CHD2: variants seen among roughly 807,000 people sequenced by gnomAD.
CHD2 encodes ATP-dependent chromatin remodeler CHD2.
CHD2 carries 28 observed loss-of-function variants against 243.9 expected under a neutral mutation model. That is an observed-to-expected ratio of 0.11 (90% CI 0.09 to 0.16). CHD2 has a LOEUF of 0.16. Among genes scored for constraint, CHD2 ranks in the 10% least tolerant of loss-of-function variants. CHD2 has a pLI of 1.00. For missense variants in CHD2, 1,386 were observed against 2,209.8 expected (o/e 0.63, Z 7.47); for synonymous variants, 775 against 779.0 (o/e 0.99, Z 0.09).
At chr15:92,977,913 ATTGT>A (rs778492873) in intron 20 of CHD2, among the ~76,000 whole-genome samples, 4 of 152,244 alleles carry the variant, frequency 2.6e-5, no homozygotes, top group Non-Finnish European at 4.4e-5. Flanking sequence ...CTCCATGATA[ATTGT>A]TTGTCTGTTT....
At position 92,961,876 on chromosome 15, in the gene CHD2, C is replaced by CTTTTTTTTTTTTTTTTTTTTTT. The variant is rs3064790; in HGVS notation, c.2000+5229_2000+5250dup. Among the ~76,000 whole-genome samples the CTTTTTTTTTTTTTTTTTTTTTT allele has an allele frequency of 4.2e-4, 33 of 78,622 alleles. 1 individual carries two copies. The highest frequency in any genetic ancestry group is 5.2e-4 in the South Asian group (1 of 1,906). The allele number at this position is 78,622 out of a possible 152,430, so 51.6% of individuals were successfully genotyped here. The stretch of plus-strand genomic sequence containing the variant: ...GGTTTCTTCCTCTGTTTTTTCTTCT[C>CTTTTTTTTTTTTTTTTTTTTTT]TTTTTTTTTTTTTTTTTTTTTTTGA... On this transcript the variant is annotated intron_variant, in intron 16 of 38. Transcript: ENST00000394196.
Position 92,927,344 on chromosome 15 carries a change from G to C in CHD2, c.381+14G>C. On this transcript the variant is annotated intron_variant, in intron 4 of 38. Transcript: ENST00000394196. ...ATTAAGGAAGAGGTAAGGAAAAAATGTTTTAAGGGCATGCATTTAAACTCC... is the reference window on the plus strand; with the variant it reads ...ATTAAGGAAGAGGTAAGGAAAAAATCTTTTAAGGGCATGCATTTAAACTCC... 6.3e-7 allele frequency: 1 copy of C among 1,594,738 alleles called. No individual in the cohort carries two copies.
At chr15:92,943,512 C>G (rs2053414994) in intron 9 of CHD2, 1 of 167,440 alleles carries the variant, frequency 6.0e-6, no homozygotes, top group Admixed American at 5.6e-5. Context: ...TTCTGGAACT[C>G]TCTGGGTTAT....
At chr15:92,917,656 G>GTTA (rs1347443551) in intron 2 of CHD2, among the ~76,000 whole-genome samples, 1 of 152,226 alleles carries the variant, frequency 6.6e-6, no homozygotes, top group Non-Finnish European at 1.5e-5. Context: ...AGAAGGAATA[G>GTTA]TTATGCAATG....
rs2054586561 is a variant in CHD2, at chr15:93,026,356, C to T, written c.*1651C>T. On this transcript the variant is annotated 3_prime_UTR_variant, in exon 39 of 39. Transcript: ENST00000394196. ...AGCACCATGAATGCCTTTACCAAGA[C>T]ATGCCAAGTTGGATCCCCCGAATGA... 6.5e-6 allele frequency: 1 copy of T among 152,706 alleles called. No homozygotes were observed. The highest frequency in any genetic ancestry group is 2.4e-5 in the African/African-American group (1 of 41,442). The allele number at this position is 152,706 out of a possible 1,614,324, so 9.5% of individuals were successfully genotyped here.
intron 2 of CHD2, among the ~76,000 whole-genome samples, chr15:92,914,155 C>G (rs1402332681): frequency 6.6e-6 from 1 of 152,174 alleles, no homozygotes; most frequent in Non-Finnish European, 1.5e-5. Flanking sequence ...AACTCTTGGT[C>G]AAATTGGTCC....
intron 16 of CHD2, among the ~76,000 whole-genome samples, chr15:92,957,100 G>C (rs2053625792): frequency 6.6e-6 from 1 of 152,114 alleles, no homozygotes; most frequent in Non-Finnish European, 1.5e-5. Flanking sequence ...TTATGGGAGA[G>C]ATGATATGCA....
chr15:92,967,955 C>T (rs1002489257), intron 17 of CHD2, among the ~76,000 whole-genome samples: 5 of 151,760 alleles, frequency 3.3e-5, no homozygotes, highest in Admixed American at 2.0e-4. Flanking sequence ...GTTTTGGGAT[C>T]GATGTAAGCT....
chr15:92,923,954 T>C (rs1434600583), intron 2 of CHD2, among the ~76,000 whole-genome samples: 1 of 152,168 alleles, frequency 6.6e-6, no homozygotes, highest in East Asian at 1.9e-4. Context: ...TTCATATATA[T>C]CTGGTTTCAA....
intron 37 of CHD2, among the ~76,000 whole-genome samples, chr15:93,016,795 T>G (rs1406512397): frequency 2.1e-5 from 1 of 46,998 alleles, no homozygotes. Flanking sequence ...AAAAAAAAAA[T>G]TGCAGTTTTG....
intron 2 of CHD2, among the ~76,000 whole-genome samples, chr15:92,912,646 G>C (rs1366448339): frequency 1.3e-5 from 2 of 152,234 alleles, no homozygotes; most frequent in Non-Finnish European, 2.9e-5. Flanking sequence ...TGATTCTCCT[G>C]CCTCAGCCTT....
Position 93,002,261 on chromosome 15 carries a change from A to C in CHD2, c.4222A>C (p.Arg1408=), listed in dbSNP as rs543070886. The C allele has an allele frequency of 1.2e-6, 2 of 1,602,094 alleles. No individual in the cohort carries two copies. The highest frequency in any genetic ancestry group is 2.7e-5 in the African/African-American group (2 of 74,094). Residue 1408 remains arginine (R), a synonymous_variant, in exon 33 of 39, where the codon AGG becomes CGG. Transcript: ENST00000394196. The part of the protein sequence containing the change: ...KENKEKQMSS[R]KDKEGDKERK... The stretch of plus-strand genomic sequence containing the variant: ...GAACAAGGAGAAACAAATGAGTTCT[A>C]GGAAAGACAAAGAAGGGGACAAGGA...
At chr15:92,986,161 C>T (rs527430159) in intron 26 of CHD2, among the ~76,000 whole-genome samples, 6 of 152,018 alleles carry the variant, frequency 3.9e-5, no homozygotes, top group East Asian at 1.9e-4. Flanking sequence ...TTGCTTTCCC[C>T]GATCCCATTT....
intron 28 of CHD2, chr15:92,993,260 C>T (rs922183768): frequency 1.1e-5 from 4 of 349,542 alleles, no homozygotes; most frequent in African/African-American, 4.2e-5. Context: ...AGTTTAAATT[C>T]GTCGGAGTGA....
intron 14 of CHD2, among the ~76,000 whole-genome samples, chr15:92,955,156 A>G (rs1308961523): frequency 2.0e-5 from 3 of 152,014 alleles, no homozygotes; most frequent in Admixed American, 6.6e-5. Context: ...GATGAAGTGC[A>G]TTTTCTTCAG....
At chr15:92,970,633 A>T (rs975430558) in intron 17 of CHD2, among the ~76,000 whole-genome samples, 7 of 152,188 alleles carry the variant, frequency 4.6e-5, no homozygotes, top group Non-Finnish European at 7.3e-5. Flanking sequence ...TACCGTATAC[A>T]CTTTTCTCTG....
intron 35 of CHD2, 61 bp from the exon 36 acceptor site, chr15:93,012,284 A>T: frequency 9.2e-7 from 1 of 1,092,422 alleles, no homozygotes; most frequent in Non-Finnish European, 1.3e-6. Flanking sequence ...ATCCATGAAG[A>T]TCATAAAAAA....
intron 35 of CHD2, among the ~76,000 whole-genome samples, chr15:93,009,720 A>G (rs1033792188): frequency 6.6e-6 from 1 of 152,266 alleles, no homozygotes; most frequent in Admixed American, 6.5e-5. Flanking sequence ...GTTCTGTACC[A>G]ACACATGGTG....
intron 38 of CHD2, chr15:93,020,735 C>A: frequency 5.4e-6 from 1 of 186,552 alleles, no homozygotes; most frequent in Non-Finnish European, 1.1e-5. Flanking sequence ...AGTAGCAAGT[C>A]CAGGGAGAGC....
Sources: allele counts gnomAD v4.1 joint callset (sites outside exome capture counted in the v4.1 genomes callset), GRCh38; gene constraint gnomAD v4.1.1; transcripts MANE v1.5; gene names NCBI Gene and HGNC (gene_info 2026-07-23, HGNC 2026-07-21).